Variants in ZDHHC21 observed in about 807,000 individuals in gnomAD.
ZDHHC21 encodes the protein zDHHC palmitoyltransferase 21, also known as palmitoyltransferase ZDHHC21.
Under a neutral mutation model 34.6 loss-of-function variants are expected in ZDHHC21, and 15 were observed. The ratio of observed to expected loss-of-function variants is 0.43; its 90% confidence interval spans 0.29 to 0.67. The LOEUF is 0.67. Ranked by LOEUF, ZDHHC21 falls within the 30% of genes least tolerant of loss-of-function variation. ZDHHC21 has a pLI of 0.14. For missense variants in ZDHHC21, 344 were observed against 327.7 expected (o/e 1.05, Z -0.38); for synonymous variants, 142 against 101.8 (o/e 1.40, Z -2.38).
chr9:14,617,452 C>G lies in ZDHHC21; in HGVS notation c.*1514G>C, dbSNP rs1012247046. 6.6e-6 allele frequency: 1 copy of G among 152,006 alleles called. No individual in the cohort carries two copies. The highest frequency in any genetic ancestry group is 1.5e-5 in the Non-Finnish European group (1 of 67,938). 9.4% of individuals were successfully genotyped at this position (152,006 alleles called of 1,614,324 possible). On this transcript the variant is annotated 3_prime_UTR_variant, in exon 10 of 10. Coordinates refer to ENST00000380916, the MANE Select transcript of ZDHHC21 (RefSeq NM_178566.6). The stretch of plus-strand genomic sequence containing the variant: ...AAAGAACTAACCACAGTATAGCCAA[C>G]TGGCTGACAATGGTAACCTTCTGTT...
chr9:14,609,319 T>C (rs141404597), downstream of ZDHHC21, among the ~76,000 whole-genome samples: 197 of 152,224 alleles, frequency 1.3e-3, no homozygotes, highest in African/African-American at 4.6e-3. Flanking sequence ...GTGTGACTGT[T>C]TGAGTTGCAA....
At chr9:14,663,421 T>G (rs988005629) in intron 5 of ZDHHC21, among the ~76,000 whole-genome samples, 5 of 151,166 alleles carry the variant, frequency 3.3e-5, no homozygotes, top group African/African-American at 1.2e-4. Context: ...AATCAAAAAA[T>G]GAAAGATTCT....
At chr9:14,648,147 G>A (rs1830594132) in intron 7 of ZDHHC21, among the ~76,000 whole-genome samples, 1 of 151,994 alleles carries the variant, frequency 6.6e-6, no homozygotes, top group Non-Finnish European at 1.5e-5. Context: ...CTATCTCACA[G>A]CCCACATTCA....
chr9:14,626,025 T>G (rs1826146690), intron 8 of ZDHHC21, among the ~76,000 whole-genome samples: 1 of 151,984 alleles, frequency 6.6e-6, no homozygotes, highest in African/African-American at 2.4e-5. Flanking sequence ...TAATGTTTTG[T>G]AGAAATAAGT....
chr9:14,603,246 A>T, the ZDHHC21 span, among the ~76,000 whole-genome samples: 36 of 152,196 alleles, frequency 2.4e-4, no homozygotes, highest in Non-Finnish European at 4.0e-4. Context: ...ATAATGTATT[A>T]AACTCCAAAT....
At chr9:14,693,162 G>A (rs1192804846) in intron 1 of ZDHHC21, 67 bp downstream of exon 1, 1 of 242,114 alleles carries the variant, frequency 4.1e-6, no homozygotes, top group African/African-American at 2.4e-5. Flanking sequence ...GGCCGGGGAT[G>A]GGGGTGGGGG....
chr9:14,639,027 A>T (rs779962553), intron 8 of ZDHHC21, among the ~76,000 whole-genome samples: 3 of 152,084 alleles, frequency 2.0e-5, no homozygotes, highest in Non-Finnish European at 2.9e-5. Flanking sequence ...GAAAAAAAAC[A>T]ATCAGTATAT....
chr9:14,592,782 T>C, the ZDHHC21 span, among the ~76,000 whole-genome samples: 4 of 152,266 alleles, frequency 2.6e-5, no homozygotes, highest in African/African-American at 9.6e-5. Context: ...AAATAAATCC[T>C]AATAAATTAA....
At chr9:14,683,923 G>C (rs1033575673) in intron 2 of ZDHHC21, among the ~76,000 whole-genome samples, 1 of 152,106 alleles carries the variant, frequency 6.6e-6, no homozygotes, top group African/African-American at 2.4e-5. Context: ...ACGTAATCCA[G>C]CATATAAACA....
At chr9:14,645,586 G>A (rs762714331) in intron 7 of ZDHHC21, among the ~76,000 whole-genome samples, 6 of 151,854 alleles carry the variant, frequency 4.0e-5, no homozygotes, top group South Asian at 4.2e-4. Flanking sequence ...AAAATGAAAC[G>A]GTTGATAAGG....
At chr9:14,643,723 T>C (rs558643401) in intron 7 of ZDHHC21, among the ~76,000 whole-genome samples, 10 of 152,336 alleles carry the variant, frequency 6.6e-5, no homozygotes, top group Admixed American at 2.0e-4. Context: ...CAGTGAAAGA[T>C]AGGAATCTGA....
At position 14,622,728 on chromosome 9, in the gene ZDHHC21, T is replaced by C. The variant is rs978396193; in HGVS notation, c.622-3046A>G. On this transcript the variant is annotated intron_variant, in intron 8 of 9. Coordinates refer to ENST00000380916, the MANE Select transcript of ZDHHC21 (RefSeq NM_178566.6). ...ACATAAAGGAATAAACAATCTGTTATATGACTATCTCTTTTGAGTCTGGAA... is the reference window on the plus strand; with the variant it reads ...ACATAAAGGAATAAACAATCTGTTACATGACTATCTCTTTTGAGTCTGGAA... The C allele has an allele frequency of 1.1e-5, 11 of 985,038 alleles. No individual in the cohort carries two copies. The East Asian group carries it at 4.5e-4, about 41-fold the overall frequency. The allele number at this position is 985,038 out of a possible 1,614,324, so 61.0% of individuals were successfully genotyped here.
chr9:14,654,523 G>C lies in ZDHHC21; in HGVS notation c.504+4226C>G, dbSNP rs965988721. Among the ~76,000 whole-genome samples, 31 of 151,862 alleles carry C rather than the reference G, an allele frequency of 2.0e-4. 1 individual carries two copies. Among genetic ancestry groups the C allele is most frequent in the African/African-American group, 7.2e-4 (30 of 41,428 alleles). ...ACAGGGCCAAATATCTGGAAATTGA[G>C]AAGAAAAAAAGAGTCAACAGAAACG... is the stretch of plus-strand genomic sequence containing the variant. On this transcript the variant is annotated intron_variant, in intron 7 of 9. Coordinates refer to ENST00000380916, the MANE Select transcript of ZDHHC21 (RefSeq NM_178566.6).
chr9:14,627,205 A>C (rs893784777), intron 8 of ZDHHC21, among the ~76,000 whole-genome samples: 4 of 152,162 alleles, frequency 2.6e-5, no homozygotes, highest in African/African-American at 9.6e-5. Context: ...TGATTCGTAA[A>C]ATGCTGTTTA....
rs1002097707 is a variant in ZDHHC21, at chr9:14,611,345, C to A, written c.*7621G>T. 1 of 151,878 alleles carries A rather than the reference C, an allele frequency of 6.6e-6. No individual in the cohort carries two copies. The highest frequency in any genetic ancestry group is 1.5e-5 in the Non-Finnish European group (1 of 67,882). The allele number at this position is 151,878 out of a possible 1,614,324, so 9.4% of individuals were successfully genotyped here. The stretch of plus-strand genomic sequence containing the variant: ...TACATGGTTCCCACTTGTCATTTCA[C>A]CCATTTTACTCACTCTTCTCAAACT... On this transcript the variant is annotated 3_prime_UTR_variant, in exon 10 of 10. Transcript: ENST00000380916.
In ZDHHC21 at chr9:14,612,896, G is replaced by C. The variant is rs1422182509; in HGVS notation, c.*6070C>G. On this transcript the variant is annotated 3_prime_UTR_variant, in exon 10 of 10. Transcript: ENST00000380916. ...CACACACACACGCTGAACTCGATTTGTAATGAGAACGAACCTTAACTCTTC... is the reference window on the plus strand; with the variant it reads ...CACACACACACGCTGAACTCGATTTCTAATGAGAACGAACCTTAACTCTTC... 1 of 144,716 alleles carries C rather than the reference G, an allele frequency of 6.9e-6. No homozygotes were observed. The highest frequency in any genetic ancestry group is 2.0e-4 in the East Asian group (1 of 4,988). The allele number at this position is 144,716 out of a possible 1,614,324, so 9.0% of individuals were successfully genotyped here. A position where few individuals can be genotyped will look rare whatever the true frequency, so the allele number is the denominator to read the frequency against.
chr9:14,659,353 T>C (rs1832937557), intron 6 of ZDHHC21, among the ~76,000 whole-genome samples: 1 of 152,198 alleles, frequency 6.6e-6, no homozygotes, highest in Non-Finnish European at 1.5e-5. Flanking sequence ...CACTCTGACA[T>C]AACTGCTAAG....
Position 14,683,786 on chromosome 9 carries a change from G to A in ZDHHC21, c.-175-3624C>T, listed in dbSNP as rs890492184. The A allele has an allele frequency of 3.3e-5, 5 of 152,226 alleles. 1 individual carries two copies. The highest frequency in any genetic ancestry group is 1.3e-4 in the Admixed American group (2 of 15,280). The allele number at this position is 152,226 out of a possible 1,614,324, so 9.4% of individuals were successfully genotyped here. A position where few individuals can be genotyped will look rare whatever the true frequency, so the allele number is the denominator to read the frequency against. ...TAGACCAATATCCCTGATGTACATC[G>A]ATGCAAACATCCTCAGTAAAATACT... On this transcript the variant is annotated intron_variant, in intron 2 of 9. Transcript: ENST00000380916.
chr9:14,644,839 T>C (rs12000679), intron 7 of ZDHHC21, among the ~76,000 whole-genome samples: 6,504 of 93,498 alleles, frequency 0.07, 360 homozygotes, highest in African/African-American at 0.15. Flanking sequence ...CACACACACA[T>C]ATATATATAT....
Sources: gnomAD v4.1 joint callset for allele counts (sites outside exome capture counted in the v4.1 genomes callset) on GRCh38, gnomAD v4.1.1 for gene constraint, MANE v1.5 for transcripts, NCBI Gene and HGNC (gene_info 2026-07-23, HGNC 2026-07-21) for gene names.